COL24A1: variants seen among roughly 807,000 people sequenced by gnomAD.
COL24A1 encodes the protein collagen type XXIV alpha 1 chain, also known as collagen alpha-1(XXIV) chain.
A neutral mutation model predicts 253.9 loss-of-function variants in COL24A1; 224 were observed. The ratio of observed to expected loss-of-function variants is 0.88; its 90% CI spans 0.79 to 0.99. COL24A1 has a LOEUF of 0.99. Among genes scored for constraint, COL24A1 ranks in the 50% least tolerant of loss-of-function variants. The pLI, the probability that COL24A1 is intolerant of heterozygous loss-of-function variation, is 0.00. For synonymous variants in COL24A1, 685 were observed against 673.7 expected (o/e 1.02, Z -0.26); for missense variants, 2,131 against 2,068.5 (o/e 1.03, Z -0.59).
At chr1:86,046,615 A>G (rs1323267526) in intron 12 of COL24A1, among the ~76,000 whole-genome samples, 1 of 152,180 alleles carries the variant, frequency 6.6e-6, no homozygotes, top group Non-Finnish European at 1.5e-5. Flanking sequence ...AAAGGGTTAG[A>G]AGTGTTCAAA....
intron 37 of COL24A1, among the ~76,000 whole-genome samples, chr1:85,867,573 A>G (rs1679934082): frequency 6.6e-6 from 1 of 152,222 alleles, no homozygotes; most frequent in South Asian, 2.1e-4. Flanking sequence ...AGGCATGAAC[A>G]TTTACAGAAG....
intron 59 of COL24A1, among the ~76,000 whole-genome samples, chr1:85,732,823 C>T (rs567918722): frequency 4.6e-5 from 7 of 152,132 alleles, no homozygotes; most frequent in Non-Finnish European, 8.8e-5. Flanking sequence ...AATGCATGGT[C>T]ACTTAACATA....
intron 5 of COL24A1, among the ~76,000 whole-genome samples, chr1:86,093,918 G>A (rs1703698753): frequency 6.6e-6 from 1 of 152,098 alleles, no homozygotes; most frequent in African/African-American, 2.4e-5. Flanking sequence ...TTAGAGAAAT[G>A]CAATTCAAAA....
intron 20 of COL24A1, among the ~76,000 whole-genome samples, chr1:85,984,147 T>C (rs1261225919): frequency 1.3e-5 from 2 of 151,978 alleles, no homozygotes; most frequent in East Asian, 3.9e-4. Context: ...GAAAATTAAA[T>C]AGGTCAGTTG....
intron 35 of COL24A1, among the ~76,000 whole-genome samples, chr1:85,872,437 T>C (rs1680632960): frequency 1.3e-5 from 2 of 152,066 alleles, no homozygotes; most frequent in Non-Finnish European, 1.5e-5. Context: ...CTACCTGACT[T>C]CAAACTATAC....
chr1:86,083,064 G>A (rs1294546415), intron 7 of COL24A1, among the ~76,000 whole-genome samples: 1 of 152,032 alleles, frequency 6.6e-6, no homozygotes. Flanking sequence ...TTGGGAGGCC[G>A]AGGCGGGCGA....
rs150468127 is a variant in COL24A1 at position 85,914,942 on chromosome 1, A to G, written c.2563-3509T>C. ...TGAAGGTTAAGTATGGTTTAAAGAG[A>G]TGCATTTGGGGGCAAACTTGACAAT... On this transcript the variant is annotated intron_variant, in intron 24 of 59. Transcript: ENST00000370571. Among the ~76,000 whole-genome samples the G allele has an allele frequency of 1.7e-3, 255 of 152,278 alleles. 2 individuals carry two copies. The highest frequency in any genetic ancestry group is 4.6e-3 in the South Asian group (22 of 4,822).
At chr1:85,732,395 A>T (rs1285507816) in intron 59 of COL24A1, among the ~76,000 whole-genome samples, 1 of 151,828 alleles carries the variant, frequency 6.6e-6, no homozygotes, top group Admixed American at 6.6e-5. Context: ...ACGCCCGGCT[A>T]ATTTTTTGTA....
intron 24 of COL24A1, among the ~76,000 whole-genome samples, chr1:85,941,721 A>G (rs1009484750): frequency 1.3e-5 from 2 of 152,148 alleles, no homozygotes; most frequent in Non-Finnish European, 2.9e-5. Context: ...ATTTCCTGAC[A>G]TATCTACAGG....
intron 23 of COL24A1, among the ~76,000 whole-genome samples, chr1:85,961,956 C>G (rs1691122346): frequency 6.6e-6 from 1 of 152,090 alleles, no homozygotes; most frequent in Non-Finnish European, 1.5e-5. Context: ...CAAATCCAAA[C>G]CATATCAGGT....
chr1:85,895,818 G>C, intron 31 of COL24A1, 40 bp downstream of exon 31: 1 of 1,552,654 alleles, frequency 6.4e-7, no homozygotes, highest in Non-Finnish European at 8.8e-7. Context: ...CAAAAATGCA[G>C]ATAAAAATTT....
intron 14 of COL24A1, among the ~76,000 whole-genome samples, chr1:86,031,446 A>G (rs1205950716): frequency 6.6e-6 from 1 of 152,134 alleles, no homozygotes; most frequent in Non-Finnish European, 1.5e-5. Context: ...ACAAGCACCA[A>G]TTATTCAAAT....
chr1:86,146,278 G>A, intron 1 of COL24A1, 95 bp from the exon 2 acceptor site: 2 of 934,736 alleles, frequency 2.1e-6, no homozygotes, highest in Admixed American at 2.4e-5. Flanking sequence ...TAAGAATTAA[G>A]CAATTATTTT....
At chr1:86,085,011 T>C (rs1702953708) in intron 7 of COL24A1, among the ~76,000 whole-genome samples, 1 of 152,228 alleles carries the variant, frequency 6.6e-6, no homozygotes, top group Admixed American at 6.5e-5. Context: ...TGAGAGATGA[T>C]CTATAGAGCT....
intron 35 of COL24A1, among the ~76,000 whole-genome samples, chr1:85,872,936 C>T (rs1680700688): frequency 6.6e-6 from 1 of 151,994 alleles, no homozygotes; most frequent in African/African-American, 2.4e-5. Flanking sequence ...TGCAATCTAC[C>T]CATCTTTCAA....
At chr1:86,066,545 A>G (rs1701505044) in intron 7 of COL24A1, among the ~76,000 whole-genome samples, 1 of 151,786 alleles carries the variant, frequency 6.6e-6, no homozygotes, top group Admixed American at 6.6e-5. Context: ...CGCCCTGCTA[A>G]AATATCCTAA....
In COL24A1 at chr1:85,786,541, G is replaced by A. The variant is rs1669705954; in HGVS notation, c.3952-80C>T. ...AGAGGCTCAATAAAATGTAGGAAGA[G>A]TTGTGCCCCGAAAGGCGTCTGTTAA... is the stretch of plus-strand genomic sequence containing the variant. On this transcript the variant is annotated intron_variant, in intron 47 of 59. Transcript: ENST00000370571. The A allele has an allele frequency of 1.1e-5, 14 of 1,302,546 alleles. No individual in the cohort carries two copies. The Admixed American group carries it at 2.7e-4, about 25-fold the overall frequency. 80.7% of individuals were successfully genotyped at this position (1,302,546 alleles called of 1,614,324 possible).
chr1:85,989,403 T>G (rs1055162874), intron 19 of COL24A1, among the ~76,000 whole-genome samples: 4 of 152,118 alleles, frequency 2.6e-5, no homozygotes, highest in African/African-American at 4.8e-5. Flanking sequence ...AATCATTTAC[T>G]AAGCCCCATC....
At chr1:85,914,187 C>T (rs1037723262) in intron 24 of COL24A1, among the ~76,000 whole-genome samples, 13 of 152,016 alleles carry the variant, frequency 8.6e-5, no homozygotes, top group Admixed American at 4.6e-4. Flanking sequence ...TGATGGCAAA[C>T]GGAATAAAGA....
Sources: gnomAD v4.1 joint callset for allele counts (sites outside exome capture counted in the v4.1 genomes callset) on GRCh38, gnomAD v4.1.1 for gene constraint, MANE v1.5 for transcripts, NCBI Gene and HGNC (gene_info 2026-07-23, HGNC 2026-07-21) for gene names.